The following GAS2 variants were observed in gnomAD, a reference collection of about 807,000 sequenced individuals.
The protein encoded by GAS2 is growth arrest specific 2.
In GAS2, 20 loss-of-function variants were observed where a neutral mutation model predicts 37.5. That is an observed-to-expected ratio of 0.53 (90% CI 0.37 to 0.77). The LOEUF is 0.77. GAS2 is among the 30% of genes least tolerant of loss of function. The pLI is 0.00. For synonymous variants in GAS2, 144 were observed against 132.2 expected (o/e 1.09, Z -0.61); for missense variants, 336 against 373.4 (o/e 0.90, Z 0.82).
intron 7 of GAS2, among the ~76,000 whole-genome samples, chr11:22,785,836 T>G (rs934724115): frequency 7.1e-6 from 1 of 140,614 alleles, no homozygotes; most frequent in Non-Finnish European, 1.6e-5. Context: ...TAGCTGTACT[T>G]TTTTCGGGGA....
intron 3 of GAS2, among the ~76,000 whole-genome samples, chr11:22,710,704 C>G (rs531924345): frequency 5.9e-5 from 9 of 152,236 alleles, no homozygotes; most frequent in African/African-American, 1.9e-4. Flanking sequence ...GCTCCTTCCT[C>G]TTTCTGAGAA....
At chr11:22,665,179 A>G (rs746497913), upstream of GAS2, among the ~76,000 whole-genome samples, 1 of 152,168 alleles carries the variant, frequency 6.6e-6, no homozygotes, top group South Asian at 2.1e-4. Context: ...ATAATGAACA[A>G]TGTGACAAGA....
intron 5 of GAS2, among the ~76,000 whole-genome samples, chr11:22,747,037 A>G (rs983800728): frequency 6.6e-6 from 1 of 152,142 alleles, no homozygotes; most frequent in Non-Finnish European, 1.5e-5. Context: ...ACTAAAAAAA[A>G]TGTGTTCTAG....
chr11:22,662,652 G>T, upstream of GAS2, among the ~76,000 whole-genome samples: 1 of 151,460 alleles, frequency 6.6e-6, no homozygotes, highest in East Asian at 1.9e-4. Flanking sequence ...AAGAAAGAAA[G>T]AAAACTTAAA....
intron 7 of GAS2, among the ~76,000 whole-genome samples, chr11:22,772,532 A>G (rs997081701): frequency 6.6e-6 from 1 of 152,240 alleles, no homozygotes; most frequent in South Asian, 2.1e-4. Context: ...AATAATTCTT[A>G]TTTTGGAATA....
At chr11:22,662,329 T>C (rs1008185975), upstream of GAS2, among the ~76,000 whole-genome samples, 17 of 152,230 alleles carry the variant, frequency 1.1e-4, no homozygotes, top group Admixed American at 2.6e-4. Flanking sequence ...TGTAATGTTA[T>C]TTTAACATTG....
chr11:22,675,263 T>C (rs1849372255), intron 2 of GAS2, among the ~76,000 whole-genome samples: 1 of 152,220 alleles, frequency 6.6e-6, no homozygotes, highest in African/African-American at 2.4e-5. Context: ...GTCAGATTGC[T>C]TATTTTATCT....
chr11:22,751,876 A>T (rs1005398345), intron 6 of GAS2, among the ~76,000 whole-genome samples: 1 of 152,028 alleles, frequency 6.6e-6, no homozygotes, highest in East Asian at 1.9e-4. Flanking sequence ...CAGTCAATAC[A>T]TGGTGGTTCT....
intron 7 of GAS2, among the ~76,000 whole-genome samples, chr11:22,796,375 C>T (rs1856429280): frequency 6.6e-6 from 1 of 152,040 alleles, no homozygotes; most frequent in Admixed American, 6.6e-5. Context: ...TTAGTTCCAC[C>T]TCTGTCACTC....
chr11:22,628,836 C>T (rs1858702530), intron 1 of GAS2, among the ~76,000 whole-genome samples: 1 of 152,142 alleles, frequency 6.6e-6, no homozygotes, highest in Admixed American at 6.5e-5. Flanking sequence ...CTCTGTCTGC[C>T]TTTGCATACC....
At chr11:22,766,605 CA>C (rs1041660705) in intron 7 of GAS2, among the ~76,000 whole-genome samples, 1 of 151,766 alleles carries the variant, frequency 6.6e-6, no homozygotes, top group African/African-American at 2.4e-5. Context: ...ATTCTAGAGT[CA>C]AAAAACAAAA....
At chr11:22,719,461 C>T (rs1851842701) in intron 3 of GAS2, among the ~76,000 whole-genome samples, 2 of 152,030 alleles carry the variant, frequency 1.3e-5, no homozygotes, top group African/African-American at 4.8e-5. Flanking sequence ...TATTTGTTAA[C>T]AGTCATTGAA....
At chr11:22,803,688 G>A (rs16910183) in intron 7 of GAS2, among the ~76,000 whole-genome samples, 6,299 of 152,174 alleles carry the variant, frequency 0.041, 473 homozygotes, top group African/African-American at 0.14. Context: ...ACCTGTGGAA[G>A]TATCAAATGA....
rs142276950 is a variant in GAS2 at position 22,807,980 on chromosome 11, TA to T, written c.724-3816del. On this transcript the variant is annotated intron_variant, in intron 7 of 7. Coordinates refer to ENST00000454584, the MANE Select transcript of GAS2 (RefSeq NM_001143830.3). ...GAAAAGAACTCAGATAAGACAGTTTTAACTTTCTCAAATTTTAAGACTGGGA... is the reference window on the plus strand; with the variant it reads ...GAAAAGAACTCAGATAAGACAGTTTTACTTTCTCAAATTTTAAGACTGGGA... 5.3e-3 allele frequency among the ~76,000 whole-genome samples: 808 copies of T among 152,302 alleles called. 13 individuals are homozygous for T. Among genetic ancestry groups the T allele is most frequent in the East Asian group, 0.039 (200 of 5,180 alleles).
intron 5 of GAS2, among the ~76,000 whole-genome samples, chr11:22,738,977 ACC>A (rs1852903324): frequency 6.6e-6 from 1 of 152,086 alleles, no homozygotes; most frequent in African/African-American, 2.4e-5. Context: ...TTTTCTATTT[ACC>A]CCACACTCTT....
chr11:22,660,060 A>T (rs1032518637), intron 1 of GAS2, among the ~76,000 whole-genome samples: 36 of 152,188 alleles, frequency 2.4e-4, no homozygotes, highest in African/African-American at 8.4e-4. Flanking sequence ...TTTAAATCTT[A>T]CCTATGCTGC....
chr11:22,798,560 T>A (rs1856530074), intron 7 of GAS2, among the ~76,000 whole-genome samples: 1 of 151,964 alleles, frequency 6.6e-6, no homozygotes, highest in Non-Finnish European at 1.5e-5. Context: ...GAAGTTAAAA[T>A]GAGATAGTAA....
At chr11:22,720,758 G>A (rs1851909951) in intron 3 of GAS2, among the ~76,000 whole-genome samples, 1 of 151,980 alleles carries the variant, frequency 6.6e-6, no homozygotes, top group Admixed American at 6.6e-5. Flanking sequence ...ATGTAATCAA[G>A]GGGAGTAGTA....
chr11:22,650,866 T>C (rs1366165576), intron 1 of GAS2, among the ~76,000 whole-genome samples: 1 of 151,386 alleles, frequency 6.6e-6, no homozygotes, highest in African/African-American at 2.4e-5. Context: ...TCTTGACTCT[T>C]TATCCAATTT....
Sources: gnomAD v4.1 joint callset for allele counts (sites outside exome capture counted in the v4.1 genomes callset) on GRCh38, gnomAD v4.1.1 for gene constraint, MANE v1.5 for transcripts, NCBI Gene and HGNC (gene_info 2026-07-23, HGNC 2026-07-21) for gene names.